Variants in CASQ2 observed in about 807,000 individuals in gnomAD.
The protein encoded by CASQ2 is calsequestrin 2.
A neutral mutation model predicts 46.5 loss-of-function variants in CASQ2; 49 were observed. That is an observed-to-expected ratio of 1.05 (90% CI 0.84 to 1.34). The LOEUF is 1.34. CASQ2 is among the 40% of genes most tolerant of loss of function. CASQ2 has a pLI of 0.00. For missense variants in CASQ2, 486 were observed against 481.3 expected (o/e 1.01, Z -0.09); for synonymous variants, 174 against 168.5 (o/e 1.03, Z -0.25).
intron 5 of CASQ2, chr1:115,732,043 T>G (rs1647804977): frequency 6.6e-6 from 1 of 152,294 alleles, no homozygotes; most frequent in Non-Finnish European, 1.5e-5. Flanking sequence ...GCCTCCCAAG[T>G]AGTTCGGACT....
chr1:115,742,239 T>C (rs933340460), intron 2 of CASQ2, among the ~76,000 whole-genome samples: 5 of 151,568 alleles, frequency 3.3e-5, no homozygotes, highest in Admixed American at 2.0e-4. Context: ...AATTATACTA[T>C]ATATGTATAT....
chr1:115,718,285 G>A (rs1647244561), intron 7 of CASQ2, among the ~76,000 whole-genome samples: 1 of 152,190 alleles, frequency 6.6e-6, no homozygotes, highest in African/African-American at 2.4e-5. Context: ...CAATGGCTCT[G>A]GAGGCAGCTC....
chr1:115,746,512 A>C (rs753635078), intron 1 of CASQ2, among the ~76,000 whole-genome samples: 11 of 152,096 alleles, frequency 7.2e-5, no homozygotes, highest in Non-Finnish European at 1.6e-4. Flanking sequence ...ACCATTTTTC[A>C]TTTTAGTCAT....
chr1:115,726,947 T>TTC, intron 6 of CASQ2, 45 bp downstream of exon 6: 18 of 1,036,524 alleles, frequency 1.7e-5, no homozygotes, highest in Non-Finnish European at 1.5e-5. Context: ...TCCTCTCCAT[T>TTC]CCCCAGACCC....
At chr1:115,724,420 A>T (rs976259084) in intron 7 of CASQ2, among the ~76,000 whole-genome samples, 1 of 152,132 alleles carries the variant, frequency 6.6e-6, no homozygotes, top group Non-Finnish European at 1.5e-5. Flanking sequence ...CTCCCACCTC[A>T]ACTTCCCAAG....
rs532721046 is a variant in CASQ2 at position 115,727,657 on chromosome 1, T to C, written c.607-535A>G. ...CTGGCCCTACAGTTAAATCTCTCAG[T>C]ACCCAACTTGCTTCATGGTTTGTCA... On this transcript the variant is annotated intron_variant, in intron 5 of 10. Coordinates refer to ENST00000261448, the MANE Select transcript of CASQ2 (RefSeq NM_001232.4). 1.1e-4 allele frequency among the ~76,000 whole-genome samples: 16 copies of C among 152,278 alleles called. 1 individual carries two copies. The highest frequency in any genetic ancestry group is 2.0e-4 in the Admixed American group (3 of 15,304).
intron 2 of CASQ2, among the ~76,000 whole-genome samples, chr1:115,742,568 G>A (rs7554488): frequency 1.3e-5 from 2 of 152,086 alleles, no homozygotes; most frequent in African/African-American, 4.8e-5. Context: ...TGTATCAAGC[G>A]CCATCATATT....
chr1:115,721,719 C>T (rs1021456587), intron 7 of CASQ2, among the ~76,000 whole-genome samples: 4 of 152,122 alleles, frequency 2.6e-5, no homozygotes, highest in Admixed American at 6.5e-5. Flanking sequence ...TATTGGCACA[C>T]ACCACCACAC....
rs148824162 is a variant in CASQ2, at chr1:115,701,310, T to A, written c.1131A>T (p.Glu377Asp). ...CAGAATTATCATCATCATCATCATCTTCATCATCATCTTCAGTGTTTATCT... is the reference window on the plus strand; with the variant it reads ...CAGAATTATCATCATCATCATCATCATCATCATCATCTTCAGTGTTTATCT... The part of the protein sequence containing the change: ...SGKINTEDDD[E>D]DDDDDDNSDE... Residue 377 changes from glutamate to aspartate, a missense_variant, in exon 11 of 11, where the codon GAA (glutamate) becomes GAT (aspartate). Coordinates refer to ENST00000261448, the MANE Select transcript of CASQ2 (RefSeq NM_001232.4). The A allele has an allele frequency of 1.3e-4, 208 of 1,593,582 alleles. No individual in the cohort carries two copies. The highest frequency in any genetic ancestry group is 8.2e-4 in the African/African-American group (61 of 74,588).
chr1:115,732,945 G>A lies in CASQ2; in HGVS notation c.562C>T (p.His188Tyr). The part of the protein sequence containing the change: ...YYKAFEEAAE[H>Y]FQPYIKFFAT... Reference sequence around the variant, plus strand: ...AAGAATTTGATGTAAGGCTGGAAGTGTTCAGCTGCTTCTTCAAAAGCCTTG... The same window carrying A: ...AAGAATTTGATGTAAGGCTGGAAGTATTCAGCTGCTTCTTCAAAAGCCTTG... Residue 188 changes from histidine (H) to tyrosine (Y), a missense_variant, in exon 5 of 11, where the codon CAC becomes TAC. Coordinates refer to ENST00000261448, the MANE Select transcript of CASQ2 (RefSeq NM_001232.4). The A allele has an allele frequency of 6.2e-7, 1 of 1,613,792 alleles. No homozygotes were observed. Among genetic ancestry groups the A allele is most frequent in the Non-Finnish European group, 8.5e-7 (1 of 1,179,744 alleles).
In CASQ2 at chr1:115,736,498, G is replaced by A. The variant is rs183174810; in HGVS notation, c.532+1726C>T. On this transcript the variant is annotated intron_variant, in intron 4 of 10. Coordinates refer to ENST00000261448, the MANE Select transcript of CASQ2 (RefSeq NM_001232.4). ...CTAAAAACACTAAAATTAGCCAGGC[G>A]TGGTGGCGGGCACCTGTAATCCCAG... Among the ~76,000 whole-genome samples the A allele has an allele frequency of 1.7e-4, 26 of 150,328 alleles. No homozygotes were observed. In the East Asian group the frequency reaches 2.0e-3, roughly 12 times the overall value.
intron 9 of CASQ2, among the ~76,000 whole-genome samples, chr1:115,703,969 T>G (rs1309666826): frequency 6.6e-6 from 1 of 151,228 alleles, no homozygotes; most frequent in African/African-American, 2.4e-5. Flanking sequence ...TGCAAGCTTG[T>G]ATAACAAAAT....
At chr1:115,712,361 G>T (rs190711081) in intron 8 of CASQ2, among the ~76,000 whole-genome samples, 1 of 152,226 alleles carries the variant, frequency 6.6e-6, no homozygotes, top group Non-Finnish European at 1.5e-5. Context: ...CCCAGAATTG[G>T]TGAAAAAGTC....
In CASQ2 at chr1:115,729,855, C is replaced by T. The variant is rs535630071; in HGVS notation, c.607-2733G>A. On this transcript the variant is annotated intron_variant, in intron 5 of 10. Coordinates refer to ENST00000261448, the MANE Select transcript of CASQ2 (RefSeq NM_001232.4). ...ACTAACTTTGTTTAGTCACAGCACC[C>T]TTTGGCTCCAGTGTGATTTAAAAAA... Among the ~76,000 whole-genome samples, 4 of 152,292 alleles carry T rather than the reference C, an allele frequency of 2.6e-5. No individual in the cohort carries two copies. The South Asian group carries it at 8.3e-4, about 32-fold the overall frequency.
intron 8 of CASQ2, 88 bp downstream of exon 8, chr1:115,717,752 A>C: frequency 5.1e-6 from 5 of 977,164 alleles, no homozygotes; most frequent in South Asian, 5.1e-5. Flanking sequence ...TGTGGATGGG[A>C]TGTGAGAGAA....
chr1:115,703,911 CA>C (rs11325357), intron 9 of CASQ2, among the ~76,000 whole-genome samples: 52,002 of 117,738 alleles, frequency 0.44, 9,845 homozygotes, highest in African/African-American at 0.59. Flanking sequence ...GACCCTGTCT[CA>C]AAAAAAAAAA....
At chr1:115,731,736 A>C (rs964679865) in intron 5 of CASQ2, among the ~76,000 whole-genome samples, 1 of 152,120 alleles carries the variant, frequency 6.6e-6, no homozygotes, top group Non-Finnish European at 1.5e-5. Context: ...AAAATCACTT[A>C]ATCTTTCAGC....
Position 115,701,297 on chromosome 1 carries a change from C to A in CASQ2, c.1144G>T (p.Asp382Tyr). Residue 382 changes from aspartate to tyrosine, a missense_variant, in exon 11 of 11, where the codon GAT becomes TAT. By Grantham distance (160) the Asp-to-Tyr change is radical. Transcript: ENST00000261448. ...TEDDDEDDDDDDNSDEEDNDD... is the reference protein window; with the variant it reads ...TEDDDEDDDDYDNSDEEDNDD... ...TTATCCTCTTCATCAGAATTATCATCATCATCATCATCTTCATCATCATCT... is the reference window on the plus strand; with the variant it reads ...TTATCCTCTTCATCAGAATTATCATAATCATCATCATCTTCATCATCATCT... The A allele has an allele frequency of 4.4e-6, 7 of 1,595,722 alleles. No homozygotes were observed. The highest frequency in any genetic ancestry group is 6.0e-6 in the Non-Finnish European group (7 of 1,163,336).
At chr1:115,742,205 AT>A (rs1419230989) in intron 2 of CASQ2, among the ~76,000 whole-genome samples, 1 of 151,308 alleles carries the variant, frequency 6.6e-6, no homozygotes, top group Non-Finnish European at 1.5e-5. Context: ...TATATGAAAA[AT>A]TATATATTTT....
Sources: gnomAD v4.1 joint callset for allele counts (sites outside exome capture counted in the v4.1 genomes callset) on GRCh38, gnomAD v4.1.1 for gene constraint, MANE v1.5 for transcripts, NCBI Gene and HGNC (gene_info 2026-07-23, HGNC 2026-07-21) for gene names.